The following INTS5 variants were observed in gnomAD, a reference collection of about 807,000 sequenced individuals.
The protein encoded by INTS5 is KIAA1698.
In INTS5, 29 loss-of-function variants were observed where a neutral mutation model predicts 60.0. The ratio of observed to expected loss-of-function variants is 0.48; its 90% CI spans 0.36 to 0.66. The LOEUF is 0.66. Among genes scored for constraint, INTS5 ranks in the 30% least tolerant of loss-of-function variants. The pLI, the probability that INTS5 is intolerant of heterozygous loss-of-function variation, is 0.00. For synonymous variants in INTS5, 588 were observed against 558.8 expected, an observed-to-expected ratio of 1.05 and a Z score of -0.74; for missense variants, 1,129 against 1,307.9, an observed-to-expected ratio of 0.86 and a Z score of 2.11.
intron 1 of INTS5, among the ~76,000 whole-genome samples, chr11:62,651,438 A>G (rs903020215): frequency 6.6e-6 from 1 of 152,150 alleles, no homozygotes; most frequent in African/African-American, 2.4e-5. Flanking sequence ...TTTCAATGAC[A>G]ACAGTAATAA....
intron 1 of INTS5, among the ~76,000 whole-genome samples, chr11:62,651,268 G>A (rs1265885940): frequency 1.3e-5 from 2 of 151,934 alleles, no homozygotes; most frequent in African/African-American, 4.8e-5. Context: ...CCGCCACCAC[G>A]CCCGGCTAAT....
chr11:62,652,732 C>T (rs114082083), intron 1 of INTS5, among the ~76,000 whole-genome samples: 116 of 152,300 alleles, frequency 7.6e-4, no homozygotes, highest in African/African-American at 2.6e-3. Flanking sequence ...GCTGATAAGG[C>T]TCTAACAGTG....
Position 62,648,978 on chromosome 11 carries a change from C to T in INTS5, c.1102G>A (p.Val368Met), listed in dbSNP as rs774115672. 4 of 1,613,144 alleles carry T rather than the reference C, an allele frequency of 2.5e-6. No homozygotes were observed. Among genetic ancestry groups the T allele is most frequent in the African/African-American group, 1.3e-5 (1 of 74,932 alleles). Reference protein sequence around the residue: ...ELVDCLKPPAVLSQLQQHLQG... With the variant: ...ELVDCLKPPAMLSQLQQHLQG... ...AGGTGTTGCTGCAGCTGGCTCAGCACAGCTGGGGGCTTGAGGCAATCCACA... is the reference window on the plus strand; with the variant it reads ...AGGTGTTGCTGCAGCTGGCTCAGCATAGCTGGGGGCTTGAGGCAATCCACA... The change falls in exon 2 of 2, where the codon GTG (valine) becomes ATG (methionine). Residue 368 changes from valine (V) to methionine (M), a missense_variant. This residue lies in a region of INTS5 where 1,070 missense variants were observed against 1,246.1 expected (regional missense o/e 0.86). Coordinates refer to ENST00000330574, the MANE Select transcript of INTS5 (RefSeq NM_030628.2). The surrounding 1 kb of genome is among the most constrained non-coding windows in gnomAD (Gnocchi z 4.4).
Position 62,649,271 on chromosome 11 carries a change from G to C in INTS5, c.809C>G (p.Thr270Ser). 2 of 1,614,140 alleles carry C rather than the reference G, an allele frequency of 1.2e-6. No individual in the cohort carries two copies. Among genetic ancestry groups the C allele is most frequent in the Non-Finnish European group, 1.7e-6 (2 of 1,180,016 alleles). Residue 270 changes from threonine (T) to serine (S), a missense_variant, in exon 2 of 2, where the codon ACC (threonine) becomes AGC (serine). Thr to Ser is a moderately conservative substitution (Grantham distance 58). Transcript: ENST00000330574. The surrounding 1 kb of genome is among the most constrained non-coding windows in gnomAD (Gnocchi z 6.0). The stretch of plus-strand genomic sequence containing the variant: ...TCCAGGGAAGGGGTCTGTAGAGGGG[G>C]TCTGAGAAGAGCTTCCACCACTACT... The part of the protein sequence containing the change: ...AGSSGGSSSQ[T>S]PSTDPFPGSP...
Position 62,649,989 on chromosome 11 carries a change from G to C in INTS5, c.91C>G (p.Leu31Val), listed in dbSNP as rs147526507. ...HGPAPLSAQE[L>V]SQEIKAFLTG... ...AGAAAAGCCTTGATTTCCTGGGACA[G>C]CTCCTGAGCACTACAAGGAAGCAAA... Residue 31 changes from leucine to valine, a missense_variant, in exon 2 of 2, where the codon CTG becomes GTG. Leu to Val is a conservative substitution (Grantham distance 32). Around this residue, in one of 3 missense-constraint regions of INTS5, gnomAD observed 54 missense variants for 43.1 expected, o/e 1.25. Transcript: ENST00000330574. This position sits in a 1 kb window ranked among gnomAD's most constrained non-coding sequence, Gnocchi z 6.0. 474 of 1,613,812 alleles carry C rather than the reference G, an allele frequency of 2.9e-4. No homozygotes were observed. The African/African-American group carries it at 5.5e-3, about 19-fold the overall frequency.
intron 1 of INTS5, among the ~76,000 whole-genome samples, chr11:62,652,941 C>T (rs1405315802): frequency 6.6e-6 from 1 of 152,102 alleles, no homozygotes; most frequent in Non-Finnish European, 1.5e-5. Context: ...AGCCCGGGGT[C>T]GAGGGTAGTT....
Position 62,649,667 on chromosome 11 carries a change from T to A in INTS5, c.413A>T (p.Lys138Met). Residue 138 changes from lysine (K) to methionine (M), a missense_variant, in exon 2 of 2, where the codon AAG becomes ATG. Physicochemically the swap from Lys to Met is moderately conservative, Grantham distance 95. Transcript: ENST00000330574. The surrounding 1 kb of genome is among the most constrained non-coding windows in gnomAD (Gnocchi z 6.0). ...VLSEFIRANPKAWAPVISAWS... is the reference protein window; with the variant it reads ...VLSEFIRANPMAWAPVISAWS... ...TGCACTAATCACAGGTGCCCAGGCC[T>A]TTGGGTTGGCCCGGATAAACTCAGA... 1 of 1,614,200 alleles carries A rather than the reference T, an allele frequency of 6.2e-7. No individual in the cohort carries two copies. The highest frequency in any genetic ancestry group is 8.5e-7 in the Non-Finnish European group (1 of 1,180,038).
chr11:62,651,588 T>C (rs1944593651), intron 1 of INTS5, among the ~76,000 whole-genome samples: 1 of 152,120 alleles, frequency 6.6e-6, no homozygotes. Flanking sequence ...CTGGCTTCAG[T>C]GGCTCACGCC....
At position 62,647,762 on chromosome 11, in the gene INTS5, A is replaced by G. The variant is rs1269697791; in HGVS notation, c.2318T>C (p.Ile773Thr). ...GCTGAGGAGGCTCTGGGTGTTATAG[A>G]TCACTTCCTGCTGATTTCGTGACTG... The part of the protein sequence containing the change: ...FVQSRNQQEV[I>T]YNTQSLLSLL... Residue 773 changes from isoleucine to threonine, a missense_variant, in exon 2 of 2, where the codon ATC becomes ACC. Around this residue, in one of 3 missense-constraint regions of INTS5, gnomAD observed 1,070 missense variants for 1,246.1 expected, o/e 0.86. Coordinates refer to ENST00000330574, the MANE Select transcript of INTS5 (RefSeq NM_030628.2). 1 of 1,614,142 alleles carries G rather than the reference A, an allele frequency of 6.2e-7. No individual in the cohort carries two copies. The highest frequency in any genetic ancestry group is 1.7e-5 in the Admixed American group (1 of 60,018).
intron 1 of INTS5, 40 bp downstream of exon 1, chr11:62,653,130 G>A: frequency 1.7e-6 from 2 of 1,185,764 alleles, no homozygotes; most frequent in Non-Finnish European, 1.1e-6. Flanking sequence ...ATCGGCGCGG[G>A]GCCGCGCGAT....
chr11:62,648,526 G>A lies in INTS5; in HGVS notation c.1554C>T (p.Ala518=), dbSNP rs1358519489. Residue 518 remains alanine, a synonymous_variant, in exon 2 of 2, where the codon GCC becomes GCT. Coordinates refer to ENST00000330574, the MANE Select transcript of INTS5 (RefSeq NM_030628.2). This position sits in a 1 kb window ranked among gnomAD's most constrained non-coding sequence, Gnocchi z 4.4. ...VYTRPSCGPE[A]LGHLLSRARS... ...GGGCTCGGCTCAGCAGATGGCCCAA[G>A]GCCTCAGGTCCACAGCTAGGCCGGG... The A allele has an allele frequency of 1.2e-6, 2 of 1,614,196 alleles. No individual in the cohort carries two copies. The highest frequency in any genetic ancestry group is 1.6e-4 in the Middle Eastern group (1 of 6,062).
intron 1 of INTS5, 109 bp from the exon 2 acceptor site, chr11:62,650,108 T>C: frequency 1.1e-6 from 1 of 885,120 alleles, no homozygotes; most frequent in Non-Finnish European, 1.7e-6. Context: ...ATAAAAATAC[T>C]TCCCTCATAA....
Position 62,648,554 on chromosome 11 carries a change from T to C in INTS5, c.1526A>G (p.Tyr509Cys), listed in dbSNP as rs1355329484. Residue 509 changes from tyrosine to cysteine, a missense_variant, in exon 2 of 2, where the codon TAT becomes TGT. Coordinates refer to ENST00000330574, the MANE Select transcript of INTS5 (RefSeq NM_030628.2). The surrounding 1 kb of genome is among the most constrained non-coding windows in gnomAD (Gnocchi z 4.4). ...QHQLLGLLSV[Y>C]TRPSCGPEAL... ...CTCAGGTCCACAGCTAGGCCGGGTATAGACAGACAGCAGGCCCAAGAGCTG... is the reference window on the plus strand; with the variant it reads ...CTCAGGTCCACAGCTAGGCCGGGTACAGACAGACAGCAGGCCCAAGAGCTG... 1.2e-6 allele frequency: 2 copies of C among 1,614,130 alleles called. No individual in the cohort carries two copies. Among genetic ancestry groups the C allele is most frequent in the Non-Finnish European group, 1.7e-6 (2 of 1,180,042 alleles).
Position 62,647,024 on chromosome 11 carries a change from G to A in INTS5, c.3056C>T (p.Thr1019Met). ...GGCTTCCAGAGCAAGAAAAGGCTAC[G>A]TCCCCTGTCGAAGGAGAGTGGACGG... ...PSPSTLLRQG[T>M] Residue 1019 changes from threonine to methionine, a missense_variant, in exon 2 of 2, where the codon ACG becomes ATG. Physicochemically the swap from Thr to Met is moderately conservative, Grantham distance 81 (BLOSUM62 -1). This residue lies in a region of INTS5 where 1,070 missense variants were observed against 1,246.1 expected (regional missense o/e 0.86). Transcript: ENST00000330574. 1 of 1,608,046 alleles carries A rather than the reference G, an allele frequency of 6.2e-7. No homozygotes were observed.
At chr11:62,652,748 CCT>C (rs1045896265) in intron 1 of INTS5, among the ~76,000 whole-genome samples, 22 of 152,268 alleles carry the variant, frequency 1.4e-4, no homozygotes, top group African/African-American at 4.6e-4. Flanking sequence ...CAGTGCCATT[CCT>C]CTGTTTCCTC....
chr11:62,647,730 CCAGGAGGCT>C lies in INTS5; in HGVS notation c.2341_2349del (p.Ser781_Leu783del). On this transcript the variant is annotated inframe_deletion, in exon 2 of 2. Transcript: ENST00000330574. ...CCCCCTGGGGCACTGCAGCAGTGAA[CCAGGAGGCT>C]GAGGAGGCTCTGGGTGTTATAGATC... 1 of 1,614,182 alleles carries C rather than the reference CCAGGAGGCT, an allele frequency of 6.2e-7. No individual in the cohort carries two copies. Among genetic ancestry groups the C allele is most frequent in the South Asian group, 1.1e-5 (1 of 91,088 alleles).
Position 62,647,403 on chromosome 11 carries a change from G to T in INTS5, c.2677C>A (p.Arg893Ser). Residue 893 changes from arginine (R) to serine (S), a missense_variant, in exon 2 of 2, where the codon CGC (arginine) becomes AGC (serine). This residue lies in a region of INTS5 where 1,070 missense variants were observed against 1,246.1 expected (regional missense o/e 0.86). Transcript: ENST00000330574. ...AALLGHWEASRHPDTTHSPWH... is the reference protein window; with the variant it reads ...AALLGHWEASSHPDTTHSPWH... ...GGGGAGTGGGTCGTGTCAGGGTGGC[G>T]AGAGGCTTCCCAATGGCCCAAGAGG... 1 of 1,611,812 alleles carries T rather than the reference G, an allele frequency of 6.2e-7. No individual in the cohort carries two copies.
At chr11:62,652,767 A>T (rs1944606375) in intron 1 of INTS5, among the ~76,000 whole-genome samples, 1 of 152,130 alleles carries the variant, frequency 6.6e-6, no homozygotes, top group Non-Finnish European at 1.5e-5. Flanking sequence ...CCTCCAAAAA[A>T]CACCCTAATA....
intron 1 of INTS5, among the ~76,000 whole-genome samples, chr11:62,652,251 G>A (rs180808883): frequency 2.0e-5 from 3 of 151,620 alleles, no homozygotes; most frequent in East Asian, 1.9e-4. Flanking sequence ...CCCAGGAGGC[G>A]GAGGTTGCAG....
Sources: allele counts gnomAD v4.1 joint callset (sites outside exome capture counted in the v4.1 genomes callset), GRCh38; gene constraint gnomAD v4.1.1; regional missense constraint gnomAD v4.1.1; non-coding constraint Gnocchi (gnomAD v3.1); transcripts MANE v1.5; gene names NCBI Gene and HGNC (gene_info 2026-07-23, HGNC 2026-07-21).